The following SCAPER variants were observed in gnomAD, a reference collection of about 807,000 sequenced individuals.
SCAPER encodes the protein S phase cyclin A-associated protein in the endoplasmic reticulum.
In SCAPER, 98 loss-of-function variants were observed where a neutral mutation model predicts 182.2. The ratio of observed to expected loss-of-function variants is 0.54; its 90% CI spans 0.46 to 0.64. SCAPER has a LOEUF of 0.64. Among genes scored for constraint, SCAPER ranks in the 30% least tolerant of loss-of-function variants. SCAPER has a pLI of 0.00. For synonymous variants in SCAPER, 605 were observed against 564.6 expected (o/e 1.07, Z -1.01); for missense variants, 1,432 against 1,690.0 (o/e 0.85, Z 2.68).
At chr15:76,587,284 T>G (rs931702573) in intron 22 of SCAPER, among the ~76,000 whole-genome samples, 3 of 152,204 alleles carry the variant, frequency 2.0e-5, no homozygotes, top group African/African-American at 7.2e-5. Flanking sequence ...GGTTTCTATT[T>G]CATTTAGTTC....
At chr15:76,813,853 T>C (rs953480623) in intron 5 of SCAPER, among the ~76,000 whole-genome samples, 1 of 152,144 alleles carries the variant, frequency 6.6e-6, no homozygotes, top group African/African-American at 2.4e-5. Context: ...GTTTATGGGT[T>C]GTAAAAATTA....
rs1425421132 is a variant in SCAPER, at chr15:76,595,103, A to C, written c.2712-20819T>G. Among the ~76,000 whole-genome samples, 3 of 121,016 alleles carry C rather than the reference A, an allele frequency of 2.5e-5. 1 individual carries two copies. The highest frequency in any genetic ancestry group is 7.6e-5 in the African/African-American group (3 of 39,674). 79.4% of individuals were successfully genotyped at this position (121,016 alleles called of 152,430 possible). ...GGCCCATCTCACAAGCAAAGACAAA[A>C]ATAGGCACAAAATAAAGGGATGGAG... On this transcript the variant is annotated intron_variant, in intron 22 of 31. Coordinates refer to ENST00000563290, the MANE Select transcript of SCAPER (RefSeq NM_020843.4).
At chr15:76,415,248 T>C (rs2045568435) in intron 26 of SCAPER, among the ~76,000 whole-genome samples, 1 of 152,218 alleles carries the variant, frequency 6.6e-6, no homozygotes, top group African/African-American at 2.4e-5. Flanking sequence ...GATTTTGGTT[T>C]TAAGGTATCA....
At chr15:76,893,732 C>T (rs1379843790) in intron 1 of SCAPER, among the ~76,000 whole-genome samples, 4 of 152,014 alleles carry the variant, frequency 2.6e-5, no homozygotes, top group Non-Finnish European at 2.9e-5. Flanking sequence ...TTTCTGACCA[C>T]AATGGTATAA....
chr15:76,402,757 C>T (rs2044552509), intron 27 of SCAPER, among the ~76,000 whole-genome samples: 1 of 151,856 alleles, frequency 6.6e-6, no homozygotes, highest in Non-Finnish European at 1.5e-5. Context: ...AGAAAATTTT[C>T]AAAGAAATGA....
At chr15:76,427,244 T>C (rs181366617) in intron 26 of SCAPER, among the ~76,000 whole-genome samples, 41 of 152,302 alleles carry the variant, frequency 2.7e-4, no homozygotes, top group Admixed American at 7.2e-4. Flanking sequence ...AAAATGCTTT[T>C]ACACAGCAAA....
intron 20 of SCAPER, among the ~76,000 whole-genome samples, chr15:76,667,902 G>A (rs2056735926): frequency 6.6e-6 from 1 of 151,700 alleles, no homozygotes; most frequent in Non-Finnish European, 1.5e-5. Context: ...GGCAGAGGTT[G>A]CAATGAGCCA....
intron 23 of SCAPER, among the ~76,000 whole-genome samples, chr15:76,527,191 A>G (rs1193597622): frequency 6.6e-6 from 1 of 152,152 alleles, no homozygotes; most frequent in Non-Finnish European, 1.5e-5. Context: ...AGTTTTATAA[A>G]ATTAATTTCA....
chr15:76,747,412 G>C (rs1205929744), intron 15 of SCAPER, among the ~76,000 whole-genome samples: 1 of 152,138 alleles, frequency 6.6e-6, no homozygotes, highest in Admixed American at 6.5e-5. Flanking sequence ...TGAGGCAGGA[G>C]AATCGCCTGG....
At chr15:76,361,701 GT>G (rs1265642608) in intron 29 of SCAPER, among the ~76,000 whole-genome samples, 1 of 152,230 alleles carries the variant, frequency 6.6e-6, no homozygotes, top group African/African-American at 2.4e-5. Flanking sequence ...ATCATTTGGT[GT>G]AAAAGTATCT....
At chr15:76,583,011 C>T (rs570094940) in intron 22 of SCAPER, among the ~76,000 whole-genome samples, 1 of 152,210 alleles carries the variant, frequency 6.6e-6, no homozygotes, top group East Asian at 1.9e-4. Flanking sequence ...GAAACTACTA[C>T]AAGAAGACAC....
At chr15:76,526,713 C>CA in intron 23 of SCAPER, among the ~76,000 whole-genome samples, 1 of 152,018 alleles carries the variant, frequency 6.6e-6, no homozygotes. Context: ...TTTTTAATTT[C>CA]AAAGGTATAT....
chr15:76,435,918 T>G (rs1225306579), intron 25 of SCAPER, among the ~76,000 whole-genome samples: 1 of 152,236 alleles, frequency 6.6e-6, no homozygotes, highest in East Asian at 1.9e-4. Context: ...GCTGATTTCC[T>G]GTACCTTGGT....
At chr15:76,351,013 C>CT in intron 31 of SCAPER, 1 of 407,624 alleles carries the variant, frequency 2.5e-6, no homozygotes, top group Non-Finnish European at 4.4e-6. Flanking sequence ...GATATTTGTG[C>CT]TTTTCTTTTA....
At chr15:76,709,350 G>A (rs557064625) in intron 17 of SCAPER, among the ~76,000 whole-genome samples, 1 of 152,126 alleles carries the variant, frequency 6.6e-6, no homozygotes, top group South Asian at 2.1e-4. Context: ...TGGCCAGGAT[G>A]GTCTCCATCT....
intron 23 of SCAPER, among the ~76,000 whole-genome samples, chr15:76,551,520 TGTACAGG>T (rs1256813174): frequency 6.6e-6 from 1 of 152,078 alleles, no homozygotes; most frequent in African/African-American, 2.4e-5. Context: ...ATTTCACAGA[TGTACAGG>T]GTAGAATACT....
Position 76,604,571 on chromosome 15 carries a change from T to C in SCAPER, c.2711+17193A>G, listed in dbSNP as rs1323433403. ...TTTCTGATTCTGTGAAGAAAGTCAT[T>C]GGTAGCTTGATGGGGATGGCATTGA... On this transcript the variant is annotated intron_variant, in intron 22 of 31. Transcript: ENST00000563290. 1.3e-4 allele frequency among the ~76,000 whole-genome samples: 16 copies of C among 126,976 alleles called. 2 individuals are homozygous for C. The highest frequency in any genetic ancestry group is 3.5e-4 in the African/African-American group (14 of 40,306). The allele number at this position is 126,976 out of a possible 152,430, so 83.3% of individuals were successfully genotyped here. A position where few individuals can be genotyped will look rare whatever the true frequency, so the allele number is the denominator to read the frequency against.
At chr15:76,811,121 CAAAA>C (rs71447123) in intron 5 of SCAPER, among the ~76,000 whole-genome samples, 5 of 105,490 alleles carry the variant, frequency 4.7e-5, no homozygotes, top group African/African-American at 1.6e-4. Context: ...ATAGAATTTA[CAAAA>C]AAAAAAAAAA....
chr15:76,858,605 C>A (rs2071604017), intron 3 of SCAPER, among the ~76,000 whole-genome samples: 1 of 152,046 alleles, frequency 6.6e-6, no homozygotes, highest in Non-Finnish European at 1.5e-5. Flanking sequence ...TTTTTCAATC[C>A]TCACTCTCCT....
Sources: gnomAD v4.1 joint callset for allele counts (sites outside exome capture counted in the v4.1 genomes callset) on GRCh38, gnomAD v4.1.1 for gene constraint, MANE v1.5 for transcripts, NCBI Gene and HGNC (gene_info 2026-07-23, HGNC 2026-07-21) for gene names.